The following CLASP1 variants were observed in gnomAD, a reference collection of about 807,000 sequenced individuals.
CLASP1 encodes the protein CLIP-associating protein 1.
CLASP1 carries 38 observed loss-of-function variants against 192.3 expected under a neutral mutation model. The observed-to-expected ratio is 0.20, with a 90% CI of 0.15 to 0.26. The LOEUF (loss-of-function observed/expected upper bound fraction) is 0.26. CLASP1 is among the 10% of genes least tolerant of loss of function. The pLI is 1.00. For synonymous variants in CLASP1, 691 were observed against 712.8 expected (o/e 0.97, Z 0.49); for missense variants, 1,433 against 1,932.5 (o/e 0.74, Z 4.85).
intron 34 of CLASP1, among the ~76,000 whole-genome samples, chr2:121,370,818 T>C (rs140178160): frequency 1.3e-5 from 2 of 152,170 alleles, no homozygotes; most frequent in Admixed American, 1.3e-4. Flanking sequence ...CTTGCCCTCT[T>C]TATTTTCTCC....
At chr2:121,337,816 G>GT (rs34452254) in exon 40 of CLASP1, 1,564 of 123,134 alleles carry the variant, frequency 0.013, 16 homozygotes, top group South Asian at 0.032. Context: ...ACTCAAAAGG[G>GT]TTTTTTTTTT....
At chr2:121,628,785 C>A (rs978847326) in intron 1 of CLASP1, among the ~76,000 whole-genome samples, 2 of 151,370 alleles carry the variant, frequency 1.3e-5, no homozygotes, top group African/African-American at 4.9e-5. Context: ...CATCTCTTCA[C>A]CCAACCAGTT....
chr2:121,488,623 T>G (rs1460739988), intron 8 of CLASP1, among the ~76,000 whole-genome samples: 3 of 152,216 alleles, frequency 2.0e-5, no homozygotes, highest in Non-Finnish European at 4.4e-5. Context: ...GTATCTGTGT[T>G]CAAAAGCTGC....
At chr2:121,610,499 A>T (rs2065147675) in intron 1 of CLASP1, among the ~76,000 whole-genome samples, 2 of 148,768 alleles carry the variant, frequency 1.3e-5, no homozygotes, top group East Asian at 4.1e-4. Context: ...GAGCTGGAGG[A>T]GGAAGAGGAA....
At chr2:121,499,995 G>A (rs576894801) in intron 8 of CLASP1, among the ~76,000 whole-genome samples, 1 of 152,122 alleles carries the variant, frequency 6.6e-6, no homozygotes, top group South Asian at 2.1e-4. Context: ...AGTGCAATAA[G>A]GCAAGAAAAA....
chr2:121,635,642 A>G (rs1171960613), intron 1 of CLASP1, among the ~76,000 whole-genome samples: 3 of 152,214 alleles, frequency 2.0e-5, no homozygotes, highest in African/African-American at 7.2e-5. Flanking sequence ...GATGGAGGGA[A>G]ATATGTTAAT....
intron 30 of CLASP1, among the ~76,000 whole-genome samples, chr2:121,389,914 G>A (rs938815255): frequency 6.6e-6 from 1 of 152,162 alleles, no homozygotes; most frequent in South Asian, 2.1e-4. Flanking sequence ...CCAGGCTGGA[G>A]TGCAGTAGCT....
chr2:121,585,858 C>T (rs528642050), intron 2 of CLASP1, among the ~76,000 whole-genome samples: 1 of 150,628 alleles, frequency 6.6e-6, no homozygotes, highest in African/African-American at 2.4e-5. Context: ...CGAGATCGTG[C>T]CACAGCACTC....
At chr2:121,623,991 T>C (rs2067844357) in intron 1 of CLASP1, among the ~76,000 whole-genome samples, 1 of 152,236 alleles carries the variant, frequency 6.6e-6, no homozygotes, top group Admixed American at 6.5e-5. Context: ...TTAATTTCCA[T>C]GTAAGGTCAG....
At chr2:121,438,833 T>C (rs2082762925) in intron 19 of CLASP1, among the ~76,000 whole-genome samples, 1 of 151,062 alleles carries the variant, frequency 6.6e-6, no homozygotes, top group Non-Finnish European at 1.5e-5. Flanking sequence ...ATCAGAATGA[T>C]GCTGGCCTCA....
chr2:121,616,500 C>T (rs925169528), intron 1 of CLASP1, among the ~76,000 whole-genome samples: 2 of 152,050 alleles, frequency 1.3e-5, no homozygotes, highest in Non-Finnish European at 2.9e-5. Flanking sequence ...AATTTAAAGC[C>T]AATAGGTTGA....
intron 26 of CLASP1, chr2:121,404,168 T>C (rs1001743550): frequency 3.7e-6 from 2 of 547,686 alleles, no homozygotes; most frequent in Non-Finnish European, 4.6e-6. Context: ...AACACACTTA[T>C]TTAACTTGAA....
intron 2 of CLASP1, among the ~76,000 whole-genome samples, chr2:121,557,386 C>T (rs981862854): frequency 3.3e-5 from 5 of 152,074 alleles, no homozygotes; most frequent in Non-Finnish European, 5.9e-5. Flanking sequence ...GAGTTCGAGA[C>T]CAGCCTGGCC....
chr2:121,470,932 T>C (rs1424916553), intron 8 of CLASP1, among the ~76,000 whole-genome samples: 1 of 152,228 alleles, frequency 6.6e-6, no homozygotes, highest in Non-Finnish European at 1.5e-5. Context: ...GAACATTTTT[T>C]TCGTAAGTTC....
Position 121,343,361 on chromosome 2 carries a change from C to G in CLASP1, c.4531-2414G>C, listed in dbSNP as rs112708281. The stretch of plus-strand genomic sequence containing the variant: ...TTCCCTGAAACATTAAGGACTTGAA[C>G]AGGTGCACCAGTGTTCATAGCAGCA... On this transcript the variant is annotated intron_variant, in intron 39 of 39. Transcript: ENST00000263710. Among the ~76,000 whole-genome samples, 1,033 of 152,264 alleles carry G rather than the reference C, an allele frequency of 6.8e-3. 12 individuals carry two copies. The highest frequency in any genetic ancestry group is 0.024 in the African/African-American group (986 of 41,534).
At chr2:121,407,865 A>G in intron 24 of CLASP1, 150 bp from the exon 26 acceptor site, 4 of 971,716 alleles carry the variant, frequency 4.1e-6, no homozygotes, top group Non-Finnish European at 6.6e-6. Context: ...TAGATTAGGG[A>G]AATAAAAACA....
intron 2 of CLASP1, among the ~76,000 whole-genome samples, chr2:121,575,276 AT>A (rs534699184): frequency 8.1e-5 from 12 of 148,446 alleles, no homozygotes; most frequent in South Asian, 2.1e-4. Flanking sequence ...TGCCCGGCTA[AT>A]TTTTTTTTTA....
intron 8 of CLASP1, among the ~76,000 whole-genome samples, chr2:121,488,449 C>T (rs1280788908): frequency 6.6e-6 from 1 of 152,198 alleles, no homozygotes; most frequent in Non-Finnish European, 1.5e-5. Flanking sequence ...TCCCAGGTCA[C>T]AAACTGCCCA....
At chr2:121,399,080 T>C (rs999334267) in intron 28 of CLASP1, among the ~76,000 whole-genome samples, 1 of 152,192 alleles carries the variant, frequency 6.6e-6, no homozygotes, top group African/African-American at 2.4e-5. Flanking sequence ...ACAGGAAAGA[T>C]AAATGCAAGG....
Sources: gnomAD v4.1 joint callset for allele counts (sites outside exome capture counted in the v4.1 genomes callset) on GRCh38, gnomAD v4.1.1 for gene constraint, MANE v1.5 for transcripts, NCBI Gene and HGNC (gene_info 2026-07-23, HGNC 2026-07-21) for gene names.